PIP5K1B: variants seen among roughly 807,000 people sequenced by gnomAD.
PIP5K1B encodes the protein phosphatidylinositol-4-phosphate 5-kinase type 1 beta.
Under a neutral mutation model 67.0 loss-of-function variants are expected in PIP5K1B, and 42 were observed. That is an observed-to-expected ratio of 0.63 (90% confidence interval 0.49 to 0.81). The LOEUF (loss-of-function observed/expected upper bound fraction) is 0.81. Ranked by LOEUF, PIP5K1B falls within the 30% of genes least tolerant of loss-of-function variation. The pLI is 0.00. For missense variants in PIP5K1B, 459 were observed against 646.3 expected (o/e 0.71, Z 3.14); for synonymous variants, 214 against 231.4 (o/e 0.92, Z 0.68).
chr9:68,877,805 G>T (rs1823976802), intron 6 of PIP5K1B, among the ~76,000 whole-genome samples: 1 of 152,162 alleles, frequency 6.6e-6, no homozygotes, highest in Non-Finnish European at 1.5e-5. Context: ...AAAATCATAT[G>T]ACTTCTGCCT....
intron 15 of PIP5K1B, among the ~76,000 whole-genome samples, chr9:69,002,261 G>A (rs1016689388): frequency 1.3e-5 from 2 of 152,252 alleles, no homozygotes; most frequent in Non-Finnish European, 2.9e-5. Context: ...CTCGGTTGAA[G>A]CCTTGTAGTC....
At chr9:68,993,106 G>A (rs1339801885) in intron 15 of PIP5K1B, among the ~76,000 whole-genome samples, 1 of 151,824 alleles carries the variant, frequency 6.6e-6, no homozygotes, top group Non-Finnish European at 1.5e-5. Flanking sequence ...AGCTTGCGGT[G>A]AGCCGAGATC....
rs373854745 is a variant in PIP5K1B at position 68,924,143 on chromosome 9, G to A, written c.1201+757G>A. 9.4e-5 allele frequency among the ~76,000 whole-genome samples: 14 copies of A among 149,402 alleles called. No homozygotes were observed. The South Asian group carries it at 2.3e-3, about 25-fold the overall frequency. ...AAAAAAAAAAAAGGAGGCCGGGCGC[G>A]GTAATCCTAGCACTTTGGGAGGCTG... On this transcript the variant is annotated intron_variant, in intron 12 of 15. Coordinates refer to ENST00000265382, the MANE Select transcript of PIP5K1B (RefSeq NM_003558.4).
At chr9:68,973,764 C>A (rs1231009624) in intron 14 of PIP5K1B, among the ~76,000 whole-genome samples, 1 of 152,184 alleles carries the variant, frequency 6.6e-6, no homozygotes, top group Admixed American at 6.5e-5. Flanking sequence ...CAGCCAGGCC[C>A]CAGCCTCCTA....
intron 2 of PIP5K1B, among the ~76,000 whole-genome samples, chr9:68,778,708 C>A (rs1831049800): frequency 6.6e-6 from 1 of 152,162 alleles, no homozygotes; most frequent in East Asian, 1.9e-4. Context: ...AAACATAAAC[C>A]AGATAATATC....
intron 1 of PIP5K1B, chr9:68,706,361 G>T (rs1012381271): frequency 6.6e-6 from 1 of 152,286 alleles, no homozygotes; most frequent in Admixed American, 6.5e-5. Context: ...GAGAATGCCC[G>T]GGTTTGATTT....
At chr9:68,999,133 T>G (rs950652792) in intron 15 of PIP5K1B, among the ~76,000 whole-genome samples, 13 of 152,218 alleles carry the variant, frequency 8.5e-5, no homozygotes, top group Admixed American at 7.8e-4. Flanking sequence ...TCATATGGCC[T>G]TCTTCCCTGT....
rs144469400 is a variant in PIP5K1B at position 68,971,504 on chromosome 9, A to G, written c.1503-19636A>G. On this transcript the variant is annotated intron_variant, in intron 14 of 15. Transcript: ENST00000265382. ...GAATCGTTTATAATCCTTATGGTAT[A>G]TACCCAGTAATGGGATTTCTGGGTC... Among the ~76,000 whole-genome samples the G allele has an allele frequency of 2.0e-4, 31 of 152,352 alleles. 1 individual carries two copies. In the East Asian group the frequency reaches 5.8e-3, roughly 28 times the overall value.
intron 6 of PIP5K1B, among the ~76,000 whole-genome samples, chr9:68,888,191 G>A (rs1016592371): frequency 2.0e-5 from 3 of 151,820 alleles, no homozygotes; most frequent in South Asian, 2.1e-4. Flanking sequence ...TGTTAGCCAG[G>A]ATGGTCTCGA....
intron 5 of PIP5K1B, among the ~76,000 whole-genome samples, chr9:68,867,388 C>T (rs1392832279): frequency 6.6e-6 from 1 of 152,208 alleles, no homozygotes; most frequent in African/African-American, 2.4e-5. Context: ...ACAGAAGAAA[C>T]TTATGTTAGT....
intron 15 of PIP5K1B, among the ~76,000 whole-genome samples, chr9:68,994,103 C>T (rs1226707839): frequency 5.9e-5 from 8 of 136,204 alleles, no homozygotes; most frequent in African/African-American, 1.6e-4. Flanking sequence ...TGCAGTGGCG[C>T]GATCTCGACT....
intron 7 of PIP5K1B, among the ~76,000 whole-genome samples, chr9:68,890,162 C>T (rs1276410410): frequency 6.6e-6 from 1 of 152,198 alleles, no homozygotes; most frequent in African/African-American, 2.4e-5. Flanking sequence ...TTCTCAGCTA[C>T]TAGACTTCAG....
chr9:68,734,805 A>G (rs1160480457), intron 1 of PIP5K1B, among the ~76,000 whole-genome samples: 1 of 152,254 alleles, frequency 6.6e-6, no homozygotes, highest in Non-Finnish European at 1.5e-5. Context: ...AAGAAAAAGG[A>G]AAGCAGCCCA....
chr9:68,935,605 C>T (rs955721130), intron 13 of PIP5K1B, among the ~76,000 whole-genome samples: 5 of 152,128 alleles, frequency 3.3e-5, no homozygotes, highest in Non-Finnish European at 7.4e-5. Context: ...TGTCTGCTTC[C>T]ACTACCTGAT....
intron 4 of PIP5K1B, among the ~76,000 whole-genome samples, chr9:68,854,911 T>G (rs936684745): frequency 6.6e-6 from 1 of 152,220 alleles, no homozygotes; most frequent in African/African-American, 2.4e-5. Flanking sequence ...ATCTGTATTG[T>G]GTCCTGCTTT....
intron 7 of PIP5K1B, among the ~76,000 whole-genome samples, chr9:68,890,832 T>C (rs935463778): frequency 3.3e-5 from 5 of 152,228 alleles, no homozygotes; most frequent in African/African-American, 1.2e-4. Context: ...TGATATAATA[T>C]TATTTGATAA....
chr9:68,836,997 A>G (rs1834648752), intron 4 of PIP5K1B, among the ~76,000 whole-genome samples: 1 of 152,250 alleles, frequency 6.6e-6, no homozygotes, highest in Non-Finnish European at 1.5e-5. Flanking sequence ...TGGAATAGGA[A>G]ATGTTACAGA....
At chr9:69,005,906 G>A (rs926019515) in intron 15 of PIP5K1B, among the ~76,000 whole-genome samples, 3 of 151,136 alleles carry the variant, frequency 2.0e-5, no homozygotes, top group Non-Finnish European at 4.4e-5. Flanking sequence ...TAGAGACAGG[G>A]TCTCTCTCCG....
intron 8 of PIP5K1B, among the ~76,000 whole-genome samples, chr9:68,912,168 T>C (rs1330684720): frequency 6.6e-6 from 1 of 152,226 alleles, no homozygotes; most frequent in Non-Finnish European, 1.5e-5. Flanking sequence ...CACAGCTCTC[T>C]GATTTTTCCC....
Sources: allele counts gnomAD v4.1 joint callset (sites outside exome capture counted in the v4.1 genomes callset), GRCh38; gene constraint gnomAD v4.1.1; transcripts MANE v1.5; gene names NCBI Gene and HGNC (gene_info 2026-07-23, HGNC 2026-07-21).